PPME1: variants seen among roughly 807,000 people sequenced by gnomAD.
The protein encoded by PPME1 is protein phosphatase methylesterase 1.
A neutral mutation model predicts 56.9 loss-of-function variants in PPME1; 17 were observed. That is an observed-to-expected ratio of 0.30 (90% CI 0.20 to 0.45). The LOEUF (loss-of-function observed/expected upper bound fraction) is 0.45, where lower values mean the gene tolerates loss of function less well. Among genes scored for constraint, PPME1 ranks in the 20% least tolerant of loss-of-function variants. The pLI, the probability that PPME1 is intolerant of heterozygous loss-of-function variation, is 1.00. For synonymous variants in PPME1, 122 were observed against 156.2 expected (o/e 0.78, Z 1.63); for missense variants, 357 against 483.2 (o/e 0.74, Z 2.45).
At chr11:74,198,768 C>G (rs1318039461) in intron 1 of PPME1, 1 of 152,136 alleles carries the variant, frequency 6.6e-6, no homozygotes, top group Non-Finnish European at 1.5e-5. Flanking sequence ...TTCATTTTCT[C>G]CCATCCAAGT....
At chr11:74,173,606 A>G (rs754708566) in intron 1 of PPME1, among the ~76,000 whole-genome samples, 1 of 152,184 alleles carries the variant, frequency 6.6e-6, no homozygotes. Flanking sequence ...CAGTGGCACA[A>G]TCTCGGCTCA....
At chr11:74,217,962 T>C (rs1298855481) in intron 3 of PPME1, among the ~76,000 whole-genome samples, 1 of 152,174 alleles carries the variant, frequency 6.6e-6, no homozygotes, top group Non-Finnish European at 1.5e-5. Flanking sequence ...AGAAAGGGCA[T>C]CCAAATTGGA....
intron 1 of PPME1, among the ~76,000 whole-genome samples, chr11:74,199,891 C>T (rs899836595): frequency 3.3e-5 from 5 of 152,148 alleles, no homozygotes; most frequent in Non-Finnish European, 7.3e-5. Context: ...GACTCATTCA[C>T]TACCATGAGA....
intron 5 of PPME1, 85 bp downstream of exon 5, chr11:74,225,341 G>GT: frequency 2.0e-6 from 2 of 997,092 alleles, no homozygotes; most frequent in Non-Finnish European, 2.9e-6. Context: ...TTCCTGATGA[G>GT]ATTGTTGGGG....
At chr11:74,219,273 T>A (rs1335697179) in intron 3 of PPME1, among the ~76,000 whole-genome samples, 3 of 151,054 alleles carry the variant, frequency 2.0e-5, no homozygotes, top group African/African-American at 7.3e-5. Flanking sequence ...GGAACCTTCA[T>A]ACACTGTTGG....
intron 7 of PPME1, among the ~76,000 whole-genome samples, chr11:74,234,097 G>A (rs947492994): frequency 2.6e-5 from 4 of 152,188 alleles, no homozygotes; most frequent in Admixed American, 6.5e-5. Flanking sequence ...GGAGAGAGAC[G>A]GGGAAGGGCA....
At chr11:74,220,927 C>T (rs189873520) in intron 3 of PPME1, among the ~76,000 whole-genome samples, 245 of 152,184 alleles carry the variant, frequency 1.6e-3, no homozygotes, top group African/African-American at 5.6e-3. Context: ...TTACTTTGCT[C>T]ATTTATTTTT....
intron 5 of PPME1, among the ~76,000 whole-genome samples, chr11:74,226,474 C>G (rs1486844045): frequency 2.0e-5 from 3 of 152,214 alleles, no homozygotes; most frequent in Non-Finnish European, 4.4e-5. Flanking sequence ...AGGTAAGAAT[C>G]TGTTCCTCCA....
intron 8 of PPME1, 115 bp downstream of exon 8, chr11:74,236,081 T>C: frequency 1.4e-6 from 2 of 1,441,694 alleles, no homozygotes; most frequent in Non-Finnish European, 1.8e-6. Flanking sequence ...GCCTTTATTA[T>C]TTTAAATAAT....
intron 7 of PPME1, 163 bp from the exon 8 acceptor site, chr11:74,235,738 T>G: frequency 9.0e-7 from 1 of 1,112,622 alleles, no homozygotes; most frequent in Non-Finnish European, 1.2e-6. Flanking sequence ...TATAAAACCA[T>G]GTAGCCAGGT....
chr11:74,208,195 C>T (rs550935339), intron 3 of PPME1, among the ~76,000 whole-genome samples: 1 of 151,994 alleles, frequency 6.6e-6, no homozygotes, highest in Admixed American at 6.5e-5. Flanking sequence ...ACCAGTAGTC[C>T]CAGCTACTAG....
intron 9 of PPME1, among the ~76,000 whole-genome samples, chr11:74,244,270 C>A: frequency 6.6e-6 from 1 of 152,182 alleles, no homozygotes. Flanking sequence ...GTTTTCAATT[C>A]TTTGGATATG....
intron 1 of PPME1, among the ~76,000 whole-genome samples, chr11:74,178,402 G>C (rs1287419006): frequency 6.6e-6 from 1 of 152,154 alleles, no homozygotes; most frequent in Non-Finnish European, 1.5e-5. Flanking sequence ...ACTATGACTG[G>C]TTTAGACCAA....
intron 1 of PPME1, among the ~76,000 whole-genome samples, chr11:74,201,862 T>C (rs1247594322): frequency 6.6e-6 from 1 of 152,150 alleles, no homozygotes; most frequent in East Asian, 1.9e-4. Context: ...ATCAAATTAG[T>C]GTAGGATAGG....
chr11:74,239,611 C>T (rs2135671251), intron 9 of PPME1, among the ~76,000 whole-genome samples: 1 of 142,672 alleles, frequency 7.0e-6, no homozygotes, highest in South Asian at 2.2e-4. Context: ...GAGTCTTGCT[C>T]AGTCACCCAG....
intron 1 of PPME1, among the ~76,000 whole-genome samples, chr11:74,190,218 G>A (rs1448508852): frequency 6.6e-6 from 1 of 152,180 alleles, no homozygotes; most frequent in East Asian, 1.9e-4. Context: ...TAGAATGTTT[G>A]TCCCCTCCAA....
At position 74,253,729 on chromosome 11, in the gene PPME1, T is replaced by A; in HGVS notation, c.*219T>A. On this transcript the variant is annotated 3_prime_UTR_variant, in exon 14 of 14. Transcript: ENST00000328257. ...AACATCGGCTTCCCCAGTCCAGGGC[T>A]CCCCTGCTCCTTTCCCTTCCCTGTA... The A allele has an allele frequency of 1.6e-6, 1 of 609,866 alleles. No homozygotes were observed. The highest frequency in any genetic ancestry group is 2.9e-6 in the Non-Finnish European group (1 of 342,718). The allele number at this position is 609,866 out of a possible 1,614,324, so 37.8% of individuals were successfully genotyped here.
chr11:74,234,380 A>G (rs1859142382), intron 7 of PPME1, among the ~76,000 whole-genome samples: 1 of 152,244 alleles, frequency 6.6e-6, no homozygotes, highest in Admixed American at 6.5e-5. Context: ...TAGGAACTTG[A>G]TATTGATAGG....
Position 74,251,090 on chromosome 11 carries a change from T to C in PPME1, c.1074+72T>C, listed in dbSNP as rs536764751. The C allele has an allele frequency of 3.9e-6, 6 of 1,542,882 alleles. No individual in the cohort carries two copies. In the South Asian group the frequency reaches 4.8e-5, roughly 12 times the overall value. On this transcript the variant is annotated intron_variant, in intron 12 of 13. Transcript: ENST00000328257. The stretch of plus-strand genomic sequence containing the variant: ...CCCTGGATGTCACAGAAGACAAGTC[T>C]CTGAGTCTCAGCCTGCATTGCCTGC...
Sources: allele counts gnomAD v4.1 joint callset (sites outside exome capture counted in the v4.1 genomes callset), GRCh38; gene constraint gnomAD v4.1.1; transcripts MANE v1.5; gene names NCBI Gene and HGNC (gene_info 2026-07-23, HGNC 2026-07-21).